The following DLG2 variants were observed in gnomAD, a reference collection of about 807,000 sequenced individuals.
The protein encoded by DLG2 is discs large MAGUK scaffold protein 2.
DLG2 carries 45 observed loss-of-function variants against 132.5 expected under a neutral mutation model. That is an observed-to-expected ratio of 0.34 (90% CI 0.27 to 0.44). DLG2 has a LOEUF of 0.44. Ranked by LOEUF, DLG2 falls within the 20% of genes least tolerant of loss-of-function variation. DLG2 has a pLI of 1.00. For missense variants in DLG2, 1,045 were observed against 1,196.9 expected (o/e 0.87, Z 1.87); for synonymous variants, 424 against 419.6 (o/e 1.01, Z -0.13).
intron 9 of DLG2, among the ~76,000 whole-genome samples, chr11:84,135,115 AT>A (rs1274042120): frequency 6.6e-6 from 1 of 152,104 alleles, no homozygotes. Context: ...GAGAGTAAGA[AT>A]TTTTGTTTAC....
chr11:85,350,925 G>GT (rs1313629364), intron 3 of DLG2, among the ~76,000 whole-genome samples: 1 of 152,160 alleles, frequency 6.6e-6, no homozygotes, highest in African/African-American at 2.4e-5. Context: ...CTTTAAAGAA[G>GT]TTTTTTCCAA....
At chr11:85,509,891 A>G (rs574168139) in intron 3 of DLG2, 1 of 152,202 alleles carries the variant, frequency 6.6e-6, no homozygotes, top group East Asian at 1.9e-4. Flanking sequence ...GGAATGCTTC[A>G]TTGAAGAAAT....
intron 4 of DLG2, among the ~76,000 whole-genome samples, chr11:85,171,420 T>C (rs1484870364): frequency 6.6e-6 from 1 of 152,112 alleles, no homozygotes; most frequent in Non-Finnish European, 1.5e-5. Flanking sequence ...GGAGATCCCC[T>C]CGTGAGCCAA....
At chr11:84,998,067 G>A (rs536259318) in intron 6 of DLG2, among the ~76,000 whole-genome samples, 22 of 151,690 alleles carry the variant, frequency 1.5e-4, no homozygotes, top group South Asian at 2.1e-4. Context: ...CTTTTTCTTC[G>A]CATATGGTAC....
At chr11:83,907,257 C>T (rs969551560) in intron 15 of DLG2, among the ~76,000 whole-genome samples, 4 of 152,172 alleles carry the variant, frequency 2.6e-5, no homozygotes, top group Non-Finnish European at 4.4e-5. Flanking sequence ...AATCACCAAA[C>T]ACTTACTATA....
Position 85,075,518 on chromosome 11 carries a change from C to T in DLG2, c.357+36143G>A, listed in dbSNP as rs180915574. Among the ~76,000 whole-genome samples the T allele has an allele frequency of 3.0e-4, 45 of 151,928 alleles. 1 individual carries two copies. The highest frequency in any genetic ancestry group is 9.4e-4 in the African/African-American group (39 of 41,494). On this transcript the variant is annotated intron_variant, in intron 6 of 27. Coordinates refer to ENST00000376104, the MANE Select transcript of DLG2 (RefSeq NM_001142699.3). ...AATATGGCCAAATAGATCTTGAAAA[C>T]ATTTTACTGACTGAAATAAGCAAAT...
At chr11:85,172,148 G>A (rs1392591852) in intron 4 of DLG2, among the ~76,000 whole-genome samples, 1 of 152,146 alleles carries the variant, frequency 6.6e-6, no homozygotes, top group Non-Finnish European at 1.5e-5. Flanking sequence ...CCCTTCCTCC[G>A]GACTGGGTGA....
At chr11:83,653,429 T>C (rs2071247396) in intron 18 of DLG2, among the ~76,000 whole-genome samples, 2 of 152,356 alleles carry the variant, frequency 1.3e-5, no homozygotes, top group African/African-American at 2.4e-5. Flanking sequence ...ATCTCTTTTC[T>C]ATGCACGTTA....
intron 19 of DLG2, among the ~76,000 whole-genome samples, chr11:83,617,137 T>C (rs2060941671): frequency 6.6e-6 from 1 of 152,228 alleles, no homozygotes; most frequent in South Asian, 2.1e-4. Flanking sequence ...ATTTCCATAT[T>C]AATATTAGAA....
In DLG2 at chr11:84,221,478, A is replaced by G. The variant is rs115389099; in HGVS notation, c.573+29760T>C. Among the ~76,000 whole-genome samples, 1,175 of 152,132 alleles carry G rather than the reference A, an allele frequency of 7.7e-3. 14 individuals carry two copies. The highest frequency in any genetic ancestry group is 0.026 in the African/African-American group (1,097 of 41,504). ...GATTCCATCTCAAATAATAATAATA[A>G]TAATATTAAGAAGCAGCTATTCTCA... On this transcript the variant is annotated intron_variant, in intron 8 of 27. Transcript: ENST00000376104.
intron 6 of DLG2, among the ~76,000 whole-genome samples, chr11:84,862,618 C>T (rs1408374723): frequency 1.3e-5 from 2 of 152,044 alleles, no homozygotes; most frequent in South Asian, 2.1e-4. Flanking sequence ...GGCACATAGA[C>T]ACCATAGAAT....
chr11:84,756,775 G>C (rs1379869110), intron 6 of DLG2, among the ~76,000 whole-genome samples: 1 of 151,520 alleles, frequency 6.6e-6, no homozygotes. Context: ...TTGTTTTTTA[G>C]CTCATCAGCT....
chr11:84,325,362 C>A (rs988890397), intron 7 of DLG2, among the ~76,000 whole-genome samples: 1 of 151,314 alleles, frequency 6.6e-6, no homozygotes, highest in African/African-American at 2.4e-5. Context: ...CCTCCCCCAA[C>A]CCCCTCACCC....
chr11:85,388,960 G>T (rs2086577707), intron 3 of DLG2, among the ~76,000 whole-genome samples: 2 of 152,080 alleles, frequency 1.3e-5, no homozygotes, highest in Admixed American at 1.3e-4. Context: ...GCCCCCAAAA[G>T]ATCACAATAG....
intron 10 of DLG2, among the ~76,000 whole-genome samples, chr11:84,062,339 C>T (rs2096604606): frequency 1.3e-5 from 2 of 152,076 alleles, no homozygotes; most frequent in South Asian, 4.1e-4. Flanking sequence ...GAGACTATGT[C>T]CAGAGTCAGT....
chr11:85,136,701 C>G (rs2076164198), intron 5 of DLG2, among the ~76,000 whole-genome samples: 1 of 152,078 alleles, frequency 6.6e-6, no homozygotes, highest in Non-Finnish European at 1.5e-5. Flanking sequence ...TGTACCTTAA[C>G]CACTTAAATC....
intron 6 of DLG2, among the ~76,000 whole-genome samples, chr11:84,806,010 G>A (rs1284441386): frequency 6.6e-6 from 1 of 151,966 alleles, no homozygotes; most frequent in African/African-American, 2.4e-5. Context: ...AACCAAACTG[G>A]AATTTTAGAA....
intron 6 of DLG2, among the ~76,000 whole-genome samples, chr11:85,046,744 A>T (rs2154152170): frequency 6.6e-6 from 1 of 151,998 alleles, no homozygotes; most frequent in South Asian, 2.1e-4. Context: ...GGATTAACAT[A>T]AATTACTTCC....
chr11:85,428,782 C>A (rs192693092), intron 3 of DLG2, among the ~76,000 whole-genome samples: 11 of 152,132 alleles, frequency 7.2e-5, no homozygotes, highest in African/African-American at 1.9e-4. Flanking sequence ...AAGATCAGAG[C>A]AGAACTGAAG....
Sources: gnomAD v4.1 joint callset for allele counts (sites outside exome capture counted in the v4.1 genomes callset) on GRCh38, gnomAD v4.1.1 for gene constraint, MANE v1.5 for transcripts, NCBI Gene and HGNC (gene_info 2026-07-23, HGNC 2026-07-21) for gene names.